SNX9: variants seen among roughly 807,000 people sequenced by gnomAD.
The protein encoded by SNX9 is sorting nexin-9.
A neutral mutation model predicts 89.4 loss-of-function variants in SNX9; 44 were observed. The observed-to-expected ratio is 0.49, with a 90% CI of 0.39 to 0.63. The LOEUF (loss-of-function observed/expected upper bound fraction) is 0.63, where lower values mean the gene tolerates loss of function less well. Among genes scored for constraint, SNX9 ranks in the 30% least tolerant of loss-of-function variants. SNX9 has a pLI of 0.00. For missense variants in SNX9, 578 were observed against 736.1 expected, an observed-to-expected ratio of 0.79 and a Z score of 2.49; for synonymous variants, 236 against 247.8, an observed-to-expected ratio of 0.95 and a Z score of 0.45.
intron 4 of SNX9, among the ~76,000 whole-genome samples, chr6:157,894,056 A>G (rs1782919990): frequency 1.4e-5 from 2 of 146,194 alleles, no homozygotes; most frequent in African/African-American, 2.6e-5. Context: ...TGAGGACAAG[A>G]TGTTCAGCTG....
At chr6:157,836,878 A>G (rs1781594795) in intron 1 of SNX9, among the ~76,000 whole-genome samples, 1 of 152,126 alleles carries the variant, frequency 6.6e-6, no homozygotes, top group South Asian at 2.1e-4. Context: ...GGCGTGAGCC[A>G]CCGCGCCCGG....
intron 4 of SNX9, among the ~76,000 whole-genome samples, chr6:157,876,348 G>T (rs772351724): frequency 1.3e-5 from 2 of 152,118 alleles, no homozygotes; most frequent in Non-Finnish European, 2.9e-5. Context: ...GCTGCTCGGG[G>T]GGCTGAAGCA....
intron 12 of SNX9, 102 bp downstream of exon 12, chr6:157,928,804 G>GT: frequency 1.2e-6 from 1 of 846,898 alleles, no homozygotes; most frequent in Non-Finnish European, 1.7e-6. Context: ...GAACAGAAGT[G>GT]TATTTGGTGG....
At chr6:157,850,753 G>C (rs1318208428) in intron 1 of SNX9, among the ~76,000 whole-genome samples, 1 of 152,066 alleles carries the variant, frequency 6.6e-6, no homozygotes, top group Non-Finnish European at 1.5e-5. Flanking sequence ...TTTCCTGAAG[G>C]CTCCTGGCAG....
intron 4 of SNX9, among the ~76,000 whole-genome samples, chr6:157,883,841 G>A (rs978369225): frequency 2.6e-5 from 4 of 152,098 alleles, no homozygotes; most frequent in African/African-American, 7.2e-5. Flanking sequence ...AGCACAATTT[G>A]TGACTCTTAT....
intron 4 of SNX9, among the ~76,000 whole-genome samples, chr6:157,882,606 G>A (rs1162042307): frequency 6.6e-6 from 1 of 152,190 alleles, no homozygotes; most frequent in African/African-American, 2.4e-5. Context: ...AGGTCAAAAT[G>A]TCAACATTAA....
At position 157,894,362 on chromosome 6, in the gene SNX9, G is replaced by A. The variant is rs143080780; in HGVS notation, c.301-2465G>A. 6.0e-3 allele frequency among the ~76,000 whole-genome samples: 892 copies of A among 149,652 alleles called. 4 individuals carry two copies. The highest frequency in any genetic ancestry group is 8.3e-3 in the Non-Finnish European group (561 of 67,576). ...TGACCTCAGGTGATCCTCCCGCCTC[G>A]GCCTCCGAAAGTGGTAGGATTATAG... On this transcript the variant is annotated intron_variant, in intron 4 of 17. Coordinates refer to ENST00000392185, the MANE Select transcript of SNX9 (RefSeq NM_016224.5).
intron 5 of SNX9, among the ~76,000 whole-genome samples, chr6:157,900,050 A>G (rs903808788): frequency 1.3e-5 from 2 of 152,090 alleles, no homozygotes; most frequent in Admixed American, 1.3e-4. Context: ...CTTATCCTAC[A>G]TGACTGCAAC....
intron 4 of SNX9, among the ~76,000 whole-genome samples, chr6:157,886,728 C>A (rs9347732): frequency 0.12 from 17,670 of 152,142 alleles, 1,560 homozygotes; most frequent in African/African-American, 0.25. Flanking sequence ...TTCCACCTCT[C>A]CTTAATTGCC....
chr6:157,904,412 C>A (rs9347750), intron 6 of SNX9, among the ~76,000 whole-genome samples: 1 of 151,322 alleles, frequency 6.6e-6, no homozygotes, highest in Non-Finnish European at 1.5e-5. Flanking sequence ...CCAGCTTGGG[C>A]GACACAGAGA....
At chr6:157,899,008 C>T (rs560371644) in intron 5 of SNX9, among the ~76,000 whole-genome samples, 1 of 151,930 alleles carries the variant, frequency 6.6e-6, no homozygotes, top group South Asian at 2.1e-4. Context: ...CATAATGGCA[C>T]TCTTAGGACC....
At chr6:157,870,295 C>T (rs540914340) in intron 2 of SNX9, among the ~76,000 whole-genome samples, 1 of 150,726 alleles carries the variant, frequency 6.6e-6, no homozygotes, top group Admixed American at 6.6e-5. Flanking sequence ...TATGCACTCA[C>T]GTGTGAGCAC....
chr6:157,872,082 T>C (rs559511798), intron 2 of SNX9, among the ~76,000 whole-genome samples: 1 of 152,314 alleles, frequency 6.6e-6, no homozygotes, highest in Non-Finnish European at 1.5e-5. Context: ...CAGATTCAGA[T>C]TATTAACTAA....
chr6:157,904,839 GGCT>G (rs1783177513), intron 6 of SNX9, among the ~76,000 whole-genome samples: 1 of 152,186 alleles, frequency 6.6e-6, no homozygotes, highest in South Asian at 2.1e-4. Context: ...AAGTCCCTCT[GGCT>G]GCTGTAATAG....
chr6:157,883,900 A>G (rs1583216049), intron 4 of SNX9, among the ~76,000 whole-genome samples: 1 of 152,200 alleles, frequency 6.6e-6, no homozygotes, highest in East Asian at 1.9e-4. Flanking sequence ...TAAGCAAAGA[A>G]TTTATCTTTT....
chr6:157,888,045 C>T (rs1182850476), intron 4 of SNX9, among the ~76,000 whole-genome samples: 2 of 144,462 alleles, frequency 1.4e-5, no homozygotes, highest in Non-Finnish European at 3.0e-5. Flanking sequence ...CCTAAGAGCA[C>T]ACACCGGGAG....
At chr6:157,854,876 C>CT (rs1276747287) in intron 1 of SNX9, among the ~76,000 whole-genome samples, 1 of 151,310 alleles carries the variant, frequency 6.6e-6, no homozygotes, top group Non-Finnish European at 1.5e-5. Flanking sequence ...CAACATGACT[C>CT]TGAGCATCCT....
At chr6:157,932,348 C>T (rs903463892) in intron 13 of SNX9, 76 bp downstream of exon 13, 44 of 1,309,390 alleles carry the variant, frequency 3.4e-5, no homozygotes, top group East Asian at 3.3e-4. Context: ...ATCCTGCAGA[C>T]GCTAACTCCC....
At chr6:157,893,940 A>G (rs113493789) in intron 4 of SNX9, among the ~76,000 whole-genome samples, 1,980 of 152,180 alleles carry the variant, frequency 0.013, 30 homozygotes, top group African/African-American at 0.044. Flanking sequence ...TCACTAAGAA[A>G]CAAGAGAGTC....
Sources: allele counts gnomAD v4.1 joint callset (sites outside exome capture counted in the v4.1 genomes callset), GRCh38; gene constraint gnomAD v4.1.1; transcripts MANE v1.5; gene names NCBI Gene and HGNC (gene_info 2026-07-23, HGNC 2026-07-21).